CEP83: variants seen among roughly 807,000 people sequenced by gnomAD.
The protein encoded by CEP83 is centrosomal protein 83.
In CEP83, 70 loss-of-function variants were observed where a neutral mutation model predicts 101.9. The ratio of observed to expected loss-of-function variants is 0.69; its 90% CI spans 0.57 to 0.84. The LOEUF (loss-of-function observed/expected upper bound fraction) is 0.84. CEP83 is among the 40% of genes least tolerant of loss of function. The pLI, the probability that CEP83 is intolerant of heterozygous loss-of-function variation, is 0.00. For synonymous variants in CEP83, 264 were observed against 267.9 expected, an observed-to-expected ratio of 0.99 and a Z score of 0.14; for missense variants, 715 against 787.2, an observed-to-expected ratio of 0.91 and a Z score of 1.10.
At chr12:94,355,596 G>GC (rs1361790911) in intron 11 of CEP83, among the ~76,000 whole-genome samples, 2 of 152,218 alleles carry the variant, frequency 1.3e-5, no homozygotes, top group African/African-American at 4.8e-5. Context: ...TTGGGAGCAA[G>GC]CCCCCCAAAG....
rs749615876 is a variant in CEP83 at position 94,379,061 on chromosome 12, A to C, written c.550-19T>G. 6.4e-7 allele frequency: 1 copy of C among 1,565,614 alleles called. No individual in the cohort carries two copies. Among genetic ancestry groups the C allele is most frequent in the Admixed American group, 1.8e-5 (1 of 56,056 alleles). ...TTGCAATCTAATAATAATTTTAAAGAAAGCATACAAGGTTAAATTATTAAA... is the reference window on the plus strand; with the variant it reads ...TTGCAATCTAATAATAATTTTAAAGCAAGCATACAAGGTTAAATTATTAAA... On this transcript the variant is annotated intron_variant, in intron 6 of 16. Transcript: ENST00000397809.
In CEP83 at chr12:94,315,511, ACCTTCT is replaced by A. The variant is rs569348698; in HGVS notation, c.1708-2500_1708-2495del. Among the ~76,000 whole-genome samples the A allele has an allele frequency of 1.4e-4, 22 of 152,208 alleles. No homozygotes were observed. In the South Asian group the frequency reaches 4.6e-3, roughly 32 times the overall value. ...TCAGATATATATGTATTGCAGATTG[ACCTTCT>A]CCAGCCTGTGGTGTCATTTTCTTTT... On this transcript the variant is annotated intron_variant, in intron 14 of 16. Coordinates refer to ENST00000397809, the MANE Select transcript of CEP83 (RefSeq NM_016122.3).
At chr12:94,385,517 T>C (rs2062091869) in intron 6 of CEP83, among the ~76,000 whole-genome samples, 1 of 152,158 alleles carries the variant, frequency 6.6e-6, no homozygotes, top group African/African-American at 2.4e-5. Flanking sequence ...TGTCTGGTTT[T>C]GGTATTAGGA....
chr12:94,310,546 A>G (rs1051704644), intron 15 of CEP83, among the ~76,000 whole-genome samples: 3 of 152,184 alleles, frequency 2.0e-5, no homozygotes, highest in South Asian at 4.1e-4. Flanking sequence ...GCCTGTGCAT[A>G]CAAGTCCTGC....
chr12:94,406,917 A>G (rs2063574019), intron 4 of CEP83, among the ~76,000 whole-genome samples: 2 of 148,794 alleles, frequency 1.3e-5, no homozygotes, highest in South Asian at 2.1e-4. Context: ...ACACAGAGAG[A>G]CTCTGTCTCA....
At chr12:94,424,132 G>A (rs1353045690) in intron 2 of CEP83, 3 of 1,603,826 alleles carry the variant, frequency 1.9e-6, no homozygotes, top group Admixed American at 3.3e-5. Flanking sequence ...GGTATGGGGA[G>A]AGTGCAGACC....
At chr12:94,281,240 C>T in the CEP83 span, among the ~76,000 whole-genome samples, 5 of 152,152 alleles carry the variant, frequency 3.3e-5, no homozygotes, top group Admixed American at 1.3e-4. Flanking sequence ...GATTGCGCCA[C>T]TGTACTCCAG....
At chr12:94,328,332 C>T (rs2059060639) in intron 14 of CEP83, 2 of 302,250 alleles carry the variant, frequency 6.6e-6, no homozygotes, top group Middle Eastern at 4.0e-4. Flanking sequence ...ATCAACACAA[C>T]AAAACATCAT....
At chr12:94,432,574 T>C (rs113178999) in intron 2 of CEP83, among the ~76,000 whole-genome samples, 1 of 151,996 alleles carries the variant, frequency 6.6e-6, no homozygotes, top group Non-Finnish European at 1.5e-5. Flanking sequence ...TAAAATGATA[T>C]CAAAGGCCAG....
At chr12:94,417,669 A>AGGAG (rs2064385337) in intron 2 of CEP83, among the ~76,000 whole-genome samples, 2 of 152,096 alleles carry the variant, frequency 1.3e-5, no homozygotes, top group Non-Finnish European at 2.9e-5. Context: ...CACGTCTGTC[A>AGGAG]TCTCAGCTAC....
Position 94,322,341 on chromosome 12 carries a change from A to G in CEP83, c.1708-9324T>C, listed in dbSNP as rs557050030. On this transcript the variant is annotated intron_variant, in intron 14 of 16. Coordinates refer to ENST00000397809, the MANE Select transcript of CEP83 (RefSeq NM_016122.3). ...AGGTTTGAAACTGTTGCTAGCCAAA[A>G]AACACTGGTGCAGGTGGCTGGAAAC... is the stretch of plus-strand genomic sequence containing the variant. Among the ~76,000 whole-genome samples the G allele has an allele frequency of 3.9e-5, 6 of 152,208 alleles. No homozygotes were observed. The South Asian group carries it at 1.2e-3, about 32-fold the overall frequency.
At chr12:94,300,891 T>G in the CEP83 span, 1 of 1,600,698 alleles carries the variant, frequency 6.2e-7, no homozygotes, top group East Asian at 2.2e-5. Flanking sequence ...TGAAAAGAGA[T>G]TATTCTCTCT....
At chr12:94,288,596 G>A in the CEP83 span, among the ~76,000 whole-genome samples, 1 of 152,194 alleles carries the variant, frequency 6.6e-6, no homozygotes, top group Non-Finnish European at 1.5e-5. Context: ...TGTGTGATTT[G>A]ACCAGCCTGT....
chr12:94,427,275 T>C (rs1434135298), intron 2 of CEP83, among the ~76,000 whole-genome samples: 1 of 152,324 alleles, frequency 6.6e-6, no homozygotes, highest in Middle Eastern at 3.4e-3. Flanking sequence ...ATATTGAAAA[T>C]TTTTTAAAGT....
chr12:94,363,540 CAT>C, intron 11 of CEP83, among the ~76,000 whole-genome samples: 1 of 152,276 alleles, frequency 6.6e-6, no homozygotes, highest in Non-Finnish European at 1.5e-5. Context: ...TTTGTACACA[CAT>C]GTTCATAACA....
At chr12:94,438,687 A>G (rs2066179310) in intron 1 of CEP83, among the ~76,000 whole-genome samples, 1 of 152,254 alleles carries the variant, frequency 6.6e-6, no homozygotes, top group African/African-American at 2.4e-5. Flanking sequence ...AAACAAATGG[A>G]CTTAACAGAT....
chr12:94,283,004 G>C, the CEP83 span, among the ~76,000 whole-genome samples: 3 of 152,170 alleles, frequency 2.0e-5, no homozygotes, highest in African/African-American at 7.2e-5. Context: ...GAAGGTTCCT[G>C]AACACACTGG....
intron 14 of CEP83, among the ~76,000 whole-genome samples, chr12:94,319,355 AT>A (rs1023415276): frequency 1.3e-5 from 2 of 152,092 alleles, no homozygotes; most frequent in African/African-American, 4.8e-5. Context: ...CAACTCCCGT[AT>A]TAGTTAATCT....
intron 5 of CEP83, chr12:94,402,477 T>G (rs1300999901): frequency 1.3e-5 from 2 of 151,714 alleles, no homozygotes; most frequent in African/African-American, 2.4e-5. Context: ...GAAAGGCAGG[T>G]TGCAGTATTA....
Sources: allele counts gnomAD v4.1 joint callset (sites outside exome capture counted in the v4.1 genomes callset), GRCh38; gene constraint gnomAD v4.1.1; transcripts MANE v1.5; gene names NCBI Gene and HGNC (gene_info 2026-07-23, HGNC 2026-07-21).